Variants in RANBP2 observed in about 807,000 individuals in gnomAD.
RANBP2 encodes the protein E3 SUMO-protein ligase RanBP2.
RANBP2 carries 57 observed loss-of-function variants against 303.6 expected under a neutral mutation model. The observed-to-expected ratio is 0.19, with a 90% CI of 0.15 to 0.23. The LOEUF is 0.23. Ranked by LOEUF, RANBP2 falls within the 10% of genes least tolerant of loss-of-function variation. The pLI, the probability that RANBP2 is intolerant of heterozygous loss-of-function variation, is 1.00. For missense variants in RANBP2, 3,138 were observed against 3,780.8 expected (o/e 0.83, Z 4.46); for synonymous variants, 1,167 against 1,301.5 (o/e 0.90, Z 2.23).
the RANBP2 span, among the ~76,000 whole-genome samples, chr2:109,212,965 T>C: frequency 2.0e-5 from 3 of 152,186 alleles, no homozygotes; most frequent in Non-Finnish European, 4.4e-5. Context: ...AGACAGATGC[T>C]GCCCACACAT....
At chr2:109,473,443 A>G in the RANBP2 span, among the ~76,000 whole-genome samples, 8 of 152,122 alleles carry the variant, frequency 5.3e-5, no homozygotes, top group African/African-American at 1.4e-4. Context: ...CTGAGCCCCT[A>G]TTTTATTTGG....
chr2:109,275,971 G>A, the RANBP2 span, among the ~76,000 whole-genome samples: 1 of 152,170 alleles, frequency 6.6e-6, no homozygotes. Flanking sequence ...ATGTGCAGCT[G>A]GGTGAGGGGA....
At chr2:109,610,765 G>A in the RANBP2 span, among the ~76,000 whole-genome samples, 1 of 152,132 alleles carries the variant, frequency 6.6e-6, no homozygotes, top group Non-Finnish European at 1.5e-5. Context: ...TGAGTTAGAA[G>A]ACTCAACATA....
At chr2:108,720,827 C>G (rs1398796061) in intron 1 of RANBP2, among the ~76,000 whole-genome samples, 1 of 152,166 alleles carries the variant, frequency 6.6e-6, no homozygotes, top group African/African-American at 2.4e-5. Context: ...GGGCGGATTG[C>G]CTGAGGTCAG....
At chr2:109,417,287 C>T in the RANBP2 span, among the ~76,000 whole-genome samples, 1 of 152,172 alleles carries the variant, frequency 6.6e-6, no homozygotes, top group African/African-American at 2.4e-5. Context: ...CCCCCACCTA[C>T]ACCTCCATGG....
At chr2:108,841,353 G>T in the RANBP2 span, among the ~76,000 whole-genome samples, 1 of 152,120 alleles carries the variant, frequency 6.6e-6, no homozygotes, top group South Asian at 2.1e-4. Flanking sequence ...TGGAGAGATA[G>T]ATGGATGTTG....
At chr2:108,914,453 T>A in the RANBP2 span, among the ~76,000 whole-genome samples, 8 of 152,104 alleles carry the variant, frequency 5.3e-5, no homozygotes, top group African/African-American at 1.9e-4. Context: ...TGCTTTGCCT[T>A]CCCTTAAAGC....
chr2:108,859,204 T>G, the RANBP2 span, among the ~76,000 whole-genome samples: 9 of 152,346 alleles, frequency 5.9e-5, no homozygotes, highest in Middle Eastern at 3.4e-3. Flanking sequence ...ATGTCTTCTT[T>G]TGAGAAGTAT....
the RANBP2 span, among the ~76,000 whole-genome samples, chr2:108,853,965 A>AAAATATATATAATATATAATATATAAT: frequency 1.8e-5 from 2 of 113,270 alleles, no homozygotes; most frequent in African/African-American, 7.1e-5. Context: ...TATATATAAT[A>AAAATATATATAATATATAATATATAAT]AAATATATAT....
the RANBP2 span, among the ~76,000 whole-genome samples, chr2:109,381,319 G>A: frequency 4.1e-4 from 63 of 152,326 alleles, no homozygotes; most frequent in African/African-American, 1.3e-3. Context: ...CTGTTTTTCT[G>A]CTTCTCCTGT....
At chr2:109,337,984 G>A in the RANBP2 span, among the ~76,000 whole-genome samples, 13 of 152,002 alleles carry the variant, frequency 8.6e-5, no homozygotes, top group East Asian at 5.8e-4. Context: ...TGCCTGCTGC[G>A]GCCTCCCAAA....
At chr2:109,548,711 G>A in the RANBP2 span, among the ~76,000 whole-genome samples, 1 of 141,034 alleles carries the variant, frequency 7.1e-6, no homozygotes, top group South Asian at 2.4e-4. Flanking sequence ...GGGAGGCCGA[G>A]GTTGCAGTGA....
chr2:109,239,225 A>C, the RANBP2 span, among the ~76,000 whole-genome samples: 1 of 152,002 alleles, frequency 6.6e-6, no homozygotes, highest in Admixed American at 6.5e-5. Context: ...TGGGGTCCGT[A>C]AATACGGATG....
At chr2:108,720,634 C>T (rs1311831032) in intron 1 of RANBP2, among the ~76,000 whole-genome samples, 2 of 152,146 alleles carry the variant, frequency 1.3e-5, no homozygotes, top group African/African-American at 2.4e-5. Context: ...ACTTTTCATC[C>T]ATAGATGGAG....
intron 2 of RANBP2, 88 bp downstream of exon 2, chr2:108,729,287 A>T (rs1052340702): frequency 5.7e-5 from 77 of 1,354,672 alleles, no homozygotes; most frequent in Non-Finnish European, 6.3e-5. Flanking sequence ...ATATGTTCTT[A>T]GTAGTTCTTC....
At chr2:108,774,157 T>C (rs1677708125) in intron 23 of RANBP2, among the ~76,000 whole-genome samples, 1 of 152,264 alleles carries the variant, frequency 6.6e-6, no homozygotes, top group Non-Finnish European at 1.5e-5. Flanking sequence ...AAACTAACTT[T>C]GCATTCCAGC....
At chr2:108,992,090 G>A in the RANBP2 span, among the ~76,000 whole-genome samples, 11 of 152,146 alleles carry the variant, frequency 7.2e-5, no homozygotes, top group Admixed American at 1.3e-4. Flanking sequence ...GTGAGCCACC[G>A]GACTCACCTT....
chr2:109,316,405 G>C, the RANBP2 span, among the ~76,000 whole-genome samples: 1 of 152,166 alleles, frequency 6.6e-6, no homozygotes, highest in African/African-American at 2.4e-5. Context: ...CCTGGCTCTG[G>C]CTTCCTGTCT....
chr2:108,767,505 A>G lies in RANBP2; in HGVS notation c.6966A>G (p.Val2322=), dbSNP rs762438960. Residue 2322 remains valine (V), a synonymous_variant, in exon 20 of 29, where the codon GTA becomes GTG. Coordinates refer to ENST00000283195, the MANE Select transcript of RANBP2 (RefSeq NM_006267.5). ...PVVPLPDLVE[V]SSGEENEQVV... ...TTCCTTTACCTGATCTAGTTGAAGT[A>G]TCCAGTGGTGAGGAAAATGAACAAG... 2.5e-6 allele frequency: 4 copies of G among 1,611,888 alleles called. No individual in the cohort carries two copies. In the African/African-American group the frequency reaches 5.3e-5, roughly 22 times the overall value.
Sources: gnomAD v4.1 joint callset for allele counts (sites outside exome capture counted in the v4.1 genomes callset) on GRCh38, gnomAD v4.1.1 for gene constraint, MANE v1.5 for transcripts, NCBI Gene and HGNC (gene_info 2026-07-23, HGNC 2026-07-21) for gene names.